Variants in WDR44 observed in about 807,000 individuals in gnomAD.
WDR44 encodes WD repeat domain 44.
In WDR44, 9 loss-of-function variants were observed where a neutral mutation model predicts 65.7. That is an observed-to-expected ratio of 0.14 (90% CI 0.08 to 0.24). The LOEUF (loss-of-function observed/expected upper bound fraction) is 0.24, where lower values mean the gene tolerates loss of function less well. Among genes scored for constraint, WDR44 ranks in the 10% least tolerant of loss-of-function variants. The pLI, the probability that WDR44 is intolerant of heterozygous loss-of-function variation, is 1.00. For synonymous variants in WDR44, 220 were observed against 235.2 expected (o/e 0.94, Z 0.59); for missense variants, 425 against 670.9 (o/e 0.63, Z 4.05).
At chrX:118,378,738 A>T (rs1311995203) in intron 2 of WDR44, among the ~76,000 whole-genome samples, 1 of 62,055 alleles carries the variant, frequency 1.6e-5, no homozygotes, top group African/African-American at 2.0e-4. Flanking sequence ...GTGTGTGTTG[A>T]AAAAGTGATA....
At chrX:118,438,797 G>T (rs867637051) in intron 14 of WDR44, among the ~76,000 whole-genome samples, 120 of 63,950 alleles carry the variant, frequency 1.9e-3, no homozygotes, top group East Asian at 8.2e-3. Context: ...GTTCAGCCAT[G>T]TTTTTTTTTT....
chrX:118,424,331 A>ATG (rs2057136796), intron 12 of WDR44, among the ~76,000 whole-genome samples: 1 of 86,599 alleles, frequency 1.2e-5, no homozygotes, highest in Admixed American at 1.4e-4. Context: ...GTGTATATAT[A>ATG]TATATATATA....
rs766875912 is a variant in WDR44, at chrX:118,346,565, G to A, written c.62G>A (p.Gly21Asp). Residue 21 changes from glycine to aspartate, a missense_variant, in exon 1 of 20, where the codon GGC becomes GAC. Transcript: ENST00000254029. ...YDAPEDVHLG[G>D]GYPVGSPGKV... is the part of the protein sequence containing the mutation. Reference sequence around the variant, plus strand: ...GCCCCTGAAGATGTGCACCTAGGGGGCGGCTACCCCGTGGGGTAAGTGACT... The same window carrying A: ...GCCCCTGAAGATGTGCACCTAGGGGACGGCTACCCCGTGGGGTAAGTGACT... 7 of 1,192,513 alleles carry A rather than the reference G, an allele frequency of 5.9e-6. No individual in the cohort carries two copies. The East Asian group carries it at 1.2e-4, about 21-fold the overall frequency.
chrX:118,425,541 G>A (rs941444955), intron 12 of WDR44, among the ~76,000 whole-genome samples: 17 of 110,028 alleles, frequency 1.5e-4, no homozygotes, highest in African/African-American at 5.0e-4. Context: ...CCAGCTCCTC[G>A]GGAGGCTGAG....
intron 1 of WDR44, among the ~76,000 whole-genome samples, chrX:118,370,888 T>C (rs112535586): frequency 3.7e-5 from 4 of 106,675 alleles, no homozygotes. Context: ...AGCCTAAACC[T>C]CTTTTTTTTT....
intron 1 of WDR44, among the ~76,000 whole-genome samples, chrX:118,347,461 T>C (rs2056362527): frequency 8.9e-6 from 1 of 112,325 alleles, no homozygotes; most frequent in Non-Finnish European, 1.9e-5. Context: ...CTTTTCAAAG[T>C]TGGGGTAGTG....
chrX:118,445,666 T>C (rs1404244899), intron 19 of WDR44, among the ~76,000 whole-genome samples: 1 of 112,443 alleles, frequency 8.9e-6, no homozygotes, highest in African/African-American at 3.2e-5. Flanking sequence ...TTAATTCCAG[T>C]TATATACAAT....
Position 118,418,052 on chromosome X carries a change from T to C in WDR44, c.1737+7093T>C, listed in dbSNP as rs185026064. Among the ~76,000 whole-genome samples the C allele has an allele frequency of 4.5e-3, 499 of 111,929 alleles. 1 individual carries two copies. The highest frequency in any genetic ancestry group is 0.015 in the African/African-American group (471 of 30,855). On this transcript the variant is annotated intron_variant, in intron 12 of 19. Transcript: ENST00000254029. Reference sequence around the variant, plus strand: ...TGAAGTTTTTATTGTTTTTTTTCTTTATGCTATCCATTTCCTTGAATATTT... The same window carrying C: ...TGAAGTTTTTATTGTTTTTTTTCTTCATGCTATCCATTTCCTTGAATATTT...
In WDR44 at chrX:118,438,368, A is replaced by G. The variant is rs145420273; in HGVS notation, c.1974+1544A>G. Among the ~76,000 whole-genome samples the G allele has an allele frequency of 2.9e-3, 315 of 110,382 alleles. 2 individuals carry two copies. Among genetic ancestry groups the G allele is most frequent in the African/African-American group, 0.01 (300 of 29,817 alleles). On this transcript the variant is annotated intron_variant, in intron 14 of 19. Transcript: ENST00000254029. ...TCCATAACTATTTTAGCTATAAAGT[A>G]TCAGCTTGGAAAGAGATATTTGGTT...
chrX:118,420,109 G>GTCT (rs2057091573), intron 12 of WDR44, among the ~76,000 whole-genome samples: 1 of 109,232 alleles, frequency 9.2e-6, no homozygotes. Context: ...CATCGTCTAG[G>GTCT]TCTTCAACAC....
At chrX:118,352,344 ATATATATATTTTTTTTT>A (rs1289658956) in intron 1 of WDR44, among the ~76,000 whole-genome samples, 1 of 23,092 alleles carries the variant, frequency 4.3e-5, no homozygotes, top group African/African-American at 3.3e-4. Flanking sequence ...ATATATATAT[ATATATATATTTTTTTTT>A]TTTTTTTTTT....
At chrX:118,428,323 G>T (rs1264137599) in intron 12 of WDR44, among the ~76,000 whole-genome samples, 1 of 109,652 alleles carries the variant, frequency 9.1e-6, no homozygotes. Flanking sequence ...GATTATTTTT[G>T]TAGAGACAGT....
intron 7 of WDR44, among the ~76,000 whole-genome samples, chrX:118,397,650 A>G (rs1396616683): frequency 1.8e-5 from 2 of 112,104 alleles, no homozygotes; most frequent in African/African-American, 6.5e-5. Context: ...TTAAAATGAG[A>G]TGAGTGACTT....
chrX:118,367,435 A>G lies in WDR44; in HGVS notation c.78-10984A>G, dbSNP rs2056564434. The stretch of plus-strand genomic sequence containing the variant: ...GTCCTTTCAGTCTCTGGGACCCCCA[A>G]GCTTTCCCTGAGAAATTTGTGGTAG... On this transcript the variant is annotated intron_variant, in intron 1 of 19. Coordinates refer to ENST00000254029, the MANE Select transcript of WDR44 (RefSeq NM_019045.5). Among the ~76,000 whole-genome samples the G allele has an allele frequency of 3.6e-5, 4 of 111,472 alleles. No individual in the cohort carries two copies. The South Asian group carries it at 1.1e-3, about 31-fold the overall frequency.
At chrX:118,416,925 TTTACTG>T (rs780017793) in intron 12 of WDR44, among the ~76,000 whole-genome samples, 148 of 112,096 alleles carry the variant, frequency 1.3e-3, no homozygotes, top group African/African-American at 4.5e-3. Context: ...GACAAGGCCT[TTTACTG>T]TTATATCATG....
intron 10 of WDR44, among the ~76,000 whole-genome samples, chrX:118,407,763 G>A (rs1341325951): frequency 8.9e-6 from 1 of 112,195 alleles, no homozygotes; most frequent in Non-Finnish European, 1.9e-5. Context: ...GAGTTCAAAT[G>A]TACCAATGTA....
chrX:118,446,404 G>A (rs2057346878), intron 19 of WDR44, among the ~76,000 whole-genome samples: 1 of 111,293 alleles, frequency 9.0e-6, no homozygotes, highest in African/African-American at 3.3e-5. Flanking sequence ...AACATAGAAG[G>A]ACACCCAACT....
At chrX:118,379,233 A>G in intron 2 of WDR44, among the ~76,000 whole-genome samples, 1 of 111,083 alleles carries the variant, frequency 9.0e-6, no homozygotes, top group Non-Finnish European at 1.9e-5. Context: ...ATATCACCAA[A>G]TGGAACTATT....
intron 12 of WDR44, among the ~76,000 whole-genome samples, chrX:118,422,134 C>T (rs1164134169): frequency 9.0e-6 from 1 of 111,174 alleles, no homozygotes; most frequent in African/African-American, 3.3e-5. Context: ...TGGCTCATGC[C>T]TATAATCCCA....
Sources: gnomAD v4.1 joint callset for allele counts (sites outside exome capture counted in the v4.1 genomes callset) on GRCh38, gnomAD v4.1.1 for gene constraint, MANE v1.5 for transcripts, NCBI Gene and HGNC (gene_info 2026-07-23, HGNC 2026-07-21) for gene names.